TRDN: variants seen among roughly 807,000 people sequenced by gnomAD.
TRDN encodes the protein triadin in skeletal muscle.
In TRDN, 161 loss-of-function variants were observed where a neutral mutation model predicts 149.7. The ratio of observed to expected loss-of-function variants is 1.08; its 90% CI spans 0.95 to 1.23. The LOEUF (loss-of-function observed/expected upper bound fraction) is 1.23. Among genes scored for constraint, TRDN ranks in the 50% most tolerant of loss-of-function variants. The pLI is 0.00. For missense variants in TRDN, 896 were observed against 823.5 expected (o/e 1.09, Z -1.08); for synonymous variants, 294 against 250.5 (o/e 1.17, Z -1.64).
chr6:123,605,291 A>C (rs1256553390), intron 1 of TRDN, among the ~76,000 whole-genome samples: 3 of 148,464 alleles, frequency 2.0e-5, no homozygotes, highest in African/African-American at 7.3e-5. Flanking sequence ...TAATACATAT[A>C]AACACACACA....
chr6:123,459,242 C>T (rs897016789), intron 10 of TRDN, among the ~76,000 whole-genome samples: 1 of 152,166 alleles, frequency 6.6e-6, no homozygotes, highest in Non-Finnish European at 1.5e-5. Flanking sequence ...CCACCCCGAC[C>T]CTTATGGGTT....
chr6:123,300,774 A>G (rs1207215807), intron 24 of TRDN, among the ~76,000 whole-genome samples: 1 of 151,988 alleles, frequency 6.6e-6, no homozygotes, highest in Non-Finnish European at 1.5e-5. Context: ...TAATTCTGGA[A>G]AGTTGCTGTC....
chr6:123,234,908 G>A (rs1775729692), intron 38 of TRDN, among the ~76,000 whole-genome samples: 1 of 152,066 alleles, frequency 6.6e-6, no homozygotes, highest in Non-Finnish European at 1.5e-5. Context: ...GAGCAAAATG[G>A]GGGTGTAGAG....
At chr6:123,513,629 A>C (rs190802940) in intron 6 of TRDN, among the ~76,000 whole-genome samples, 24 of 152,272 alleles carry the variant, frequency 1.6e-4, no homozygotes, top group Admixed American at 5.9e-4. Flanking sequence ...AAGTTCATGG[A>C]AATTGAACAT....
At chr6:123,277,138 T>C (rs943220710) in intron 26 of TRDN, among the ~76,000 whole-genome samples, 3 of 152,196 alleles carry the variant, frequency 2.0e-5, no homozygotes, top group African/African-American at 7.2e-5. Context: ...ATTTGTTTCA[T>C]GTTTTCACAG....
At chr6:123,228,442 T>C (rs1775470228) in intron 38 of TRDN, among the ~76,000 whole-genome samples, 2 of 151,920 alleles carry the variant, frequency 1.3e-5, no homozygotes, top group South Asian at 2.1e-4. Flanking sequence ...GAAACTTACA[T>C]CACGGCAGAA....
At chr6:123,544,904 A>C (rs541407422) in intron 4 of TRDN, among the ~76,000 whole-genome samples, 2 of 152,128 alleles carry the variant, frequency 1.3e-5, no homozygotes, top group East Asian at 3.9e-4. Flanking sequence ...TTAATAATCA[A>C]TACTGCAACC....
intron 10 of TRDN, chr6:123,445,071 AT>A (rs1310981124): frequency 6.6e-6 from 1 of 151,648 alleles, no homozygotes; most frequent in African/African-American, 2.4e-5. Context: ...TTTTCTATTG[AT>A]TGGAATAGTT....
chr6:123,453,010 C>A (rs184799184), intron 10 of TRDN, among the ~76,000 whole-genome samples: 1 of 151,930 alleles, frequency 6.6e-6, no homozygotes, highest in Non-Finnish European at 1.5e-5. Flanking sequence ...GAAAGGACAC[C>A]CTTTTCAACA....
At chr6:123,241,462 C>T (rs751287662) in intron 38 of TRDN, among the ~76,000 whole-genome samples, 3 of 151,328 alleles carry the variant, frequency 2.0e-5, no homozygotes, top group Non-Finnish European at 4.4e-5. Flanking sequence ...TTTCAAAGTG[C>T]TTAATTCTGA....
In TRDN at chr6:123,349,988, A is replaced by T. The variant is rs556754917; in HGVS notation, c.1369+2551T>A. The T allele has an allele frequency of 3.2e-4, 316 of 985,376 alleles. 3 individuals are homozygous for T. In the African/African-American group the frequency reaches 4.4e-3, roughly 14 times the overall value. The allele number at this position is 985,376 out of a possible 1,614,324, so 61.0% of individuals were successfully genotyped here. On this transcript the variant is annotated intron_variant, in intron 21 of 40. Coordinates refer to ENST00000334268, the MANE Select transcript of TRDN (RefSeq NM_006073.4). ...GCAAAGAAAGAAACTCTTCAAGTGG[A>T]CACAAATTAGCCCATTTATGAATTT...
chr6:123,605,072 GT>G (rs1784463692), intron 1 of TRDN, among the ~76,000 whole-genome samples: 1 of 151,870 alleles, frequency 6.6e-6, no homozygotes, highest in Non-Finnish European at 1.5e-5. Context: ...CTAGATGCAT[GT>G]AGATATATTT....
intron 24 of TRDN, among the ~76,000 whole-genome samples, chr6:123,306,130 GATA>G (rs1367685909): frequency 6.6e-6 from 1 of 152,068 alleles, no homozygotes; most frequent in Non-Finnish European, 1.5e-5. Context: ...CTTCCAACAG[GATA>G]ATATTAGTTC....
At chr6:123,510,043 A>G (rs1263505294) in intron 7 of TRDN, 1 of 152,192 alleles carries the variant, frequency 6.6e-6, no homozygotes, top group Admixed American at 6.5e-5. Context: ...TCTATCACAT[A>G]TGATTTCATG....
chr6:123,439,155 C>A (rs1164764597), intron 10 of TRDN, among the ~76,000 whole-genome samples, 152 bp from the exon 11 acceptor site: 1 of 152,188 alleles, frequency 6.6e-6, no homozygotes, highest in African/African-American at 2.4e-5. Flanking sequence ...TTATTTTCCT[C>A]ATTTATCAAA....
chr6:123,502,553 GT>G, intron 8 of TRDN: 4 of 983,016 alleles, frequency 4.1e-6, no homozygotes, highest in Non-Finnish European at 3.6e-6. Context: ...AATACTACAT[GT>G]GAATCAAAGT....
At chr6:123,432,263 C>G (rs930405353) in intron 12 of TRDN, among the ~76,000 whole-genome samples, 4 of 152,078 alleles carry the variant, frequency 2.6e-5, no homozygotes, top group Non-Finnish European at 5.9e-5. Flanking sequence ...AGGCTTTTAT[C>G]TCAGAATGTA....
intron 12 of TRDN, among the ~76,000 whole-genome samples, chr6:123,433,454 A>G (rs1583013771): frequency 6.6e-6 from 1 of 151,826 alleles, no homozygotes; most frequent in East Asian, 1.9e-4. Context: ...CTGTTTATCC[A>G]CTTCTGTGTA....
At chr6:123,430,495 C>T (rs866205991) in intron 12 of TRDN, among the ~76,000 whole-genome samples, 6 of 151,856 alleles carry the variant, frequency 4.0e-5, no homozygotes, top group Admixed American at 2.0e-4. Flanking sequence ...GGCAGGAGAA[C>T]TGCATGAACA....
Sources: allele counts gnomAD v4.1 joint callset (sites outside exome capture counted in the v4.1 genomes callset), GRCh38; gene constraint gnomAD v4.1.1; transcripts MANE v1.5; gene names NCBI Gene and HGNC (gene_info 2026-07-23, HGNC 2026-07-21).